UTP4: variants seen among roughly 807,000 people sequenced by gnomAD.
UTP4 encodes UTP4 small subunit processome component, also known as U3 small nucleolar RNA-associated protein 4 homolog.
UTP4 carries 45 observed loss-of-function variants against 82.4 expected under a neutral mutation model. The ratio of observed to expected loss-of-function variants is 0.55; its 90% CI spans 0.43 to 0.70. The LOEUF (loss-of-function observed/expected upper bound fraction) is 0.70. Among genes scored for constraint, UTP4 ranks in the 30% least tolerant of loss-of-function variants. The pLI is 0.00. For missense variants in UTP4, 819 were observed against 858.3 expected, an observed-to-expected ratio of 0.95 and a Z score of 0.57; for synonymous variants, 348 against 300.3, an observed-to-expected ratio of 1.16 and a Z score of -1.64.
intron 11 of UTP4, 96 bp downstream of exon 11, chr16:69,156,089 T>A: frequency 7.8e-7 from 1 of 1,278,562 alleles, no homozygotes; most frequent in East Asian, 2.3e-5. Flanking sequence ...GAATCCTTGC[T>A]CAGTTAAAAA....
rs1963406062 is a variant in UTP4, at chr16:69,156,133, C to T, written c.1287+140C>T. 4.0e-6 allele frequency: 3 copies of T among 747,746 alleles called. No homozygotes were observed. The East Asian group carries it at 8.2e-5, about 20-fold the overall frequency. 46.3% of individuals were successfully genotyped at this position (747,746 alleles called of 1,614,324 possible). A position where few individuals can be genotyped will look rare whatever the true frequency, so the allele number is the denominator to read the frequency against. ...AGATTTGGAGAAGGCTGTTATGAAA[C>T]AGTGTTTTATTTCTTTCTTTCTTTT... On this transcript the variant is annotated intron_variant, in intron 11 of 16. Coordinates refer to ENST00000314423, the MANE Select transcript of UTP4 (RefSeq NM_032830.3).
At chr16:69,153,432 C>A (rs1157918961) in intron 8 of UTP4, 152 bp from the exon 9 acceptor site, 5 of 683,860 alleles carry the variant, frequency 7.3e-6, no homozygotes, top group East Asian at 2.7e-5. Context: ...GATCTCAGGG[C>A]AGTGCCTGGC....
Position 69,167,201 on chromosome 16 carries a change from T to C in UTP4, c.1944+16T>C. On this transcript the variant is annotated intron_variant, in intron 16 of 16. Coordinates refer to ENST00000314423, the MANE Select transcript of UTP4 (RefSeq NM_032830.3). ...GATATATAAGGTAAAACATCTTGTG[T>C]TGTTATTCTGGATAGTTGGTTCCTT... 3 of 1,510,920 alleles carry C rather than the reference T, an allele frequency of 2.0e-6. No homozygotes were observed. Among genetic ancestry groups the C allele is most frequent in the Non-Finnish European group, 2.8e-6 (3 of 1,086,228 alleles). The allele number at this position is 1,510,920 out of a possible 1,614,324, so 93.6% of individuals were successfully genotyped here. A position where few individuals can be genotyped will look rare whatever the true frequency, so the allele number is the denominator to read the frequency against.
chr16:69,136,531 A>G, intron 2 of UTP4, 165 bp from the exon 3 acceptor site: 8 of 727,812 alleles, frequency 1.1e-5, no homozygotes, highest in Non-Finnish European at 2.0e-5. Flanking sequence ...AAGTAATTAG[A>G]ATTTGAGCTG....
At chr16:69,165,629 GC>G in intron 15 of UTP4, 103 bp downstream of exon 15, 1 of 983,836 alleles carries the variant, frequency 1.0e-6, no homozygotes. Flanking sequence ...AATAAAGGTA[GC>G]TAGTAAATCA....
intron 12 of UTP4, among the ~76,000 whole-genome samples, chr16:69,158,898 C>T (rs561925462): frequency 6.6e-6 from 1 of 152,230 alleles, no homozygotes; most frequent in South Asian, 2.1e-4. Context: ...ATTTTTATCC[C>T]ACACTAGTTG....
At chr16:69,143,516 T>G in intron 6 of UTP4, 127 bp downstream of exon 6, 1 of 845,292 alleles carries the variant, frequency 1.2e-6, no homozygotes, top group Non-Finnish European at 2.0e-6. Context: ...AAGATGAGTT[T>G]AGGAAAATGC....
chr16:69,167,279 G>C, intron 16 of UTP4, 94 bp downstream of exon 16: 1 of 836,842 alleles, frequency 1.2e-6, no homozygotes, highest in Admixed American at 2.0e-5. Context: ...AGCACCTTCA[G>C]TTTCCATGCA....
At chr16:69,138,056 G>T in intron 4 of UTP4, 171 bp downstream of exon 4, 2 of 611,344 alleles carry the variant, frequency 3.3e-6, no homozygotes, top group Non-Finnish European at 5.8e-6. Flanking sequence ...CCATTGTATA[G>T]CATAGTTGTG....
chr16:69,152,670 A>C (rs1963306569), intron 8 of UTP4, among the ~76,000 whole-genome samples: 1 of 151,888 alleles, frequency 6.6e-6, no homozygotes, highest in Non-Finnish European at 1.5e-5. Context: ...ACAGGGTTTC[A>C]CCATGTTGGC....
chr16:69,146,634 G>A (rs991227677), intron 6 of UTP4, among the ~76,000 whole-genome samples: 3 of 152,282 alleles, frequency 2.0e-5, no homozygotes, highest in African/African-American at 7.2e-5. Context: ...ACCAAGGCGG[G>A]TGGATCAGTT....
chr16:69,149,039 A>C (rs1461292861), intron 6 of UTP4, among the ~76,000 whole-genome samples: 6 of 151,922 alleles, frequency 3.9e-5, no homozygotes, highest in Admixed American at 3.9e-4. Context: ...TGAGGTCAGG[A>C]GTTTGAGACC....
At chr16:69,159,910 T>A (rs564118596) in intron 12 of UTP4, among the ~76,000 whole-genome samples, 1 of 151,562 alleles carries the variant, frequency 6.6e-6, no homozygotes, top group South Asian at 2.1e-4. Context: ...ATCACTTGAA[T>A]TTGGGAGTTG....
chr16:69,136,100 A>G (rs906078958), intron 2 of UTP4, among the ~76,000 whole-genome samples: 4 of 152,258 alleles, frequency 2.6e-5, no homozygotes, highest in African/African-American at 9.6e-5. Context: ...TGCCTCATGC[A>G]ATTGACTTTG....
chr16:69,154,603 G>A, intron 10 of UTP4, 146 bp downstream of exon 10: 1 of 682,380 alleles, frequency 1.5e-6, no homozygotes, highest in Non-Finnish European at 2.6e-6. Flanking sequence ...CACCAGGACT[G>A]GGTTTCCTGT....
Position 69,150,904 on chromosome 16 carries a change from C to T in UTP4, c.1002C>T (p.His334=), listed in dbSNP as rs113917670. The T allele has an allele frequency of 3.7e-6, 6 of 1,610,158 alleles. No individual in the cohort carries two copies. The highest frequency in any genetic ancestry group is 3.3e-5 in the South Asian group (3 of 90,964). Residue 334 remains histidine, a splice_region_variant and synonymous_variant, in exon 8 of 17, where the codon CAC becomes CAT. Transcript: ENST00000314423. ...CTCTCCGAAAAATCACCTTTCCCCACGTAAGTGTCCATTCCAAGCCCCTGC... is the reference window on the plus strand; with the variant it reads ...CTCTCCGAAAAATCACCTTTCCCCATGTAAGTGTCCATTCCAAGCCCCTGC... ...DAALRKITFP[H]RCLISCSKKR... is the part of the protein sequence containing the mutation.
At chr16:69,150,729 G>GGCTGCTGCTT in intron 7 of UTP4, 21 bp downstream of exon 7, 1 of 1,614,082 alleles carries the variant, frequency 6.2e-7, no homozygotes, top group Non-Finnish European at 8.5e-7. Context: ...CCTCTGGTGA[G>GGCTGCTGCTT]GCTGCTGCTT....
intron 6 of UTP4, among the ~76,000 whole-genome samples, chr16:69,148,817 G>T (rs1217973777): frequency 6.6e-6 from 1 of 151,836 alleles, no homozygotes; most frequent in Non-Finnish European, 1.5e-5. Flanking sequence ...TGTTGCCCAG[G>T]TTGGTCTCAA....
chr16:69,166,861 C>CCT, intron 15 of UTP4: 4 of 567,746 alleles, frequency 7.0e-6, no homozygotes, highest in Non-Finnish European at 9.4e-6. Context: ...GCTCTTTCTC[C>CCT]CTCTCTCTCC....
Sources: allele counts gnomAD v4.1 joint callset (sites outside exome capture counted in the v4.1 genomes callset), GRCh38; gene constraint gnomAD v4.1.1; transcripts MANE v1.5; gene names NCBI Gene and HGNC (gene_info 2026-07-23, HGNC 2026-07-21).